Variants in CSMD2 observed in about 807,000 individuals in gnomAD.
CSMD2 encodes CUB and Sushi multiple domains 2.
A neutral mutation model predicts 398.5 loss-of-function variants in CSMD2; 130 were observed. The ratio of observed to expected loss-of-function variants is 0.33; its 90% CI spans 0.28 to 0.38. The LOEUF is 0.38. Ranked by LOEUF, CSMD2 falls within the 10% of genes least tolerant of loss-of-function variation. CSMD2 has a pLI of 1.00. For synonymous variants in CSMD2, 1,828 were observed against 1,908.5 expected, an observed-to-expected ratio of 0.96 and a Z score of 1.10; for missense variants, 3,829 against 4,764.9, an observed-to-expected ratio of 0.80 and a Z score of 5.78.
chr1:33,885,941 G>A (rs1277257691), intron 5 of CSMD2, among the ~76,000 whole-genome samples: 15 of 152,058 alleles, frequency 9.9e-5, no homozygotes, highest in African/African-American at 3.6e-4. Context: ...TGTGTCAAAG[G>A]GGAATGAAAA....
Position 33,625,273 on chromosome 1 carries a change from C to T in CSMD2, c.5297-19G>A. 1 of 1,600,858 alleles carries T rather than the reference C, an allele frequency of 6.2e-7. No homozygotes were observed. The highest frequency in any genetic ancestry group is 8.5e-7 in the Non-Finnish European group (1 of 1,174,336). Reference sequence around the variant, plus strand: ...GGAACCGCTGTGGGGGACAAGGGCACTGAGGGGAGGCCTCACCCCTCAGAA... The same window carrying T: ...GGAACCGCTGTGGGGGACAAGGGCATTGAGGGGAGGCCTCACCCCTCAGAA... On this transcript the variant is annotated intron_variant, in intron 33 of 70. Coordinates refer to ENST00000373381, the MANE Select transcript of CSMD2 (RefSeq NM_001281956.2).
intron 5 of CSMD2, among the ~76,000 whole-genome samples, chr1:33,866,738 G>A (rs1640066939): frequency 6.6e-6 from 1 of 152,070 alleles, no homozygotes; most frequent in African/African-American, 2.4e-5. Flanking sequence ...TACTATAAGG[G>A]TGCTGGCCCT....
At chr1:33,673,693 G>T (rs1644597155) in intron 25 of CSMD2, among the ~76,000 whole-genome samples, 1 of 152,208 alleles carries the variant, frequency 6.6e-6, no homozygotes, top group South Asian at 2.1e-4. Context: ...AGGAAAAAAT[G>T]TTAAGGGCAG....
chr1:33,909,826 G>C (rs1007143972), intron 5 of CSMD2, among the ~76,000 whole-genome samples: 1 of 152,160 alleles, frequency 6.6e-6, no homozygotes, highest in African/African-American at 2.4e-5. Context: ...TCGTAACCAA[G>C]GGCAGCTGTG....
rs572191986 is a variant in CSMD2 at position 34,133,600 on chromosome 1, C to T, written c.187+31311G>A. ...GAGCCAATATTGCACCACTGCACTC[C>T]AGCTTGGGTGATAGAGCAAGACTCT... On this transcript the variant is annotated intron_variant, in intron 1 of 70. Coordinates refer to ENST00000373381, the MANE Select transcript of CSMD2 (RefSeq NM_001281956.2). Among the ~76,000 whole-genome samples the T allele has an allele frequency of 5.4e-4, 82 of 151,848 alleles. 1 individual carries two copies. The highest frequency in any genetic ancestry group is 1.9e-3 in the African/African-American group (79 of 41,384).
At chr1:34,153,593 G>A (rs1160803407) in intron 1 of CSMD2, among the ~76,000 whole-genome samples, 3 of 152,180 alleles carry the variant, frequency 2.0e-5, no homozygotes, top group Non-Finnish European at 4.4e-5. Context: ...CAGGCGCACA[G>A]AGGCACTCAA....
At chr1:33,980,367 C>A (rs1646122988) in intron 3 of CSMD2, among the ~76,000 whole-genome samples, 1 of 152,154 alleles carries the variant, frequency 6.6e-6, no homozygotes, top group South Asian at 2.1e-4. Flanking sequence ...AATATTTTGT[C>A]TTTTCCTAAC....
intron 29 of CSMD2, among the ~76,000 whole-genome samples, chr1:33,645,146 A>C (rs1427542138): frequency 2.0e-5 from 3 of 151,956 alleles, no homozygotes; most frequent in Non-Finnish European, 4.4e-5. Flanking sequence ...TAATTAGGGG[A>C]CACTTTAAAA....
chr1:33,899,070 G>A (rs1472361359), intron 5 of CSMD2, among the ~76,000 whole-genome samples: 1 of 152,226 alleles, frequency 6.6e-6, no homozygotes, highest in Non-Finnish European at 1.5e-5. Flanking sequence ...TCAGGCCACA[G>A]ACCAGCAACG....
chr1:33,593,665 A>C (rs938460337), intron 44 of CSMD2, among the ~76,000 whole-genome samples: 5 of 152,238 alleles, frequency 3.3e-5, no homozygotes, highest in African/African-American at 4.8e-5. Context: ...ATTTGGGTGG[A>C]GATACAGCCA....
At chr1:33,927,788 T>TG (rs902371424) in intron 4 of CSMD2, among the ~76,000 whole-genome samples, 2 of 152,176 alleles carry the variant, frequency 1.3e-5, no homozygotes, top group Non-Finnish European at 2.9e-5. Context: ...CTCTTCTGCC[T>TG]GGGGGCCTTT....
chr1:33,941,350 T>C (rs1298040124), intron 3 of CSMD2, among the ~76,000 whole-genome samples: 5 of 152,266 alleles, frequency 3.3e-5, no homozygotes, highest in Non-Finnish European at 5.9e-5. Context: ...GAGTCATTTA[T>C]GCTCTCTGGA....
rs557576789 is a variant in CSMD2, at chr1:33,658,064, G to A, written c.4329C>T (p.Ala1443=). 17 of 1,614,010 alleles carry A rather than the reference G, an allele frequency of 1.1e-5. No individual in the cohort carries two copies. The highest frequency in any genetic ancestry group is 1.0e-4 in the Admixed American group (6 of 59,992). The change falls in exon 27 of 71, where the codon GCC becomes GCT. Residue 1443 remains alanine, a synonymous_variant. Transcript: ENST00000373381. ...NGSRSGDSWE[A]GDSTVFQCDP... ...CACACTGGAACACTGTGGAGTCGCC[G>A]GCTTCCCAACTGTCACCACTCCGAC...
intron 3 of CSMD2, among the ~76,000 whole-genome samples, chr1:33,968,904 T>C (rs1461326001): frequency 6.6e-6 from 1 of 152,238 alleles, no homozygotes; most frequent in African/African-American, 2.4e-5. Context: ...TACACCCAGC[T>C]TGTTCTGGGA....
intron 2 of CSMD2, among the ~76,000 whole-genome samples, chr1:34,086,327 T>C (rs563437452): frequency 3.3e-5 from 5 of 152,342 alleles, no homozygotes; most frequent in African/African-American, 1.2e-4. Context: ...TCTTACGTTT[T>C]AGGCACCATC....
chr1:34,134,078 A>G (rs571452075), intron 1 of CSMD2, among the ~76,000 whole-genome samples: 1 of 122,096 alleles, frequency 8.2e-6, no homozygotes, highest in Non-Finnish European at 1.7e-5. Context: ...AAAAAAAAAA[A>G]TACTGAGCAG....
At position 33,777,388 on chromosome 1, in the gene CSMD2, C is replaced by T. The variant is rs539512022; in HGVS notation, c.1664-4637G>A. On this transcript the variant is annotated intron_variant, in intron 12 of 70. Transcript: ENST00000373381. ...TGCTGGCTGGCTTCTGTCCCTTTGA[C>T]ACCTCCTGTCCTGGCCTAAGCCTTC... Among the ~76,000 whole-genome samples, 31 of 152,270 alleles carry T rather than the reference C, an allele frequency of 2.0e-4. No homozygotes were observed. In the East Asian group the frequency reaches 2.1e-3, roughly 10 times the overall value.
chr1:33,825,809 T>C (rs755851089), intron 6 of CSMD2, 35 bp from the exon 7 acceptor site: 5 of 1,564,988 alleles, frequency 3.2e-6, no homozygotes, highest in Middle Eastern at 1.7e-4. Flanking sequence ...CAATGTGAGT[T>C]GTTGCCTGTG....
At chr1:33,652,200 T>C in intron 28 of CSMD2, 123 bp downstream of exon 28, 2 of 1,002,620 alleles carry the variant, frequency 2.0e-6, no homozygotes, top group Non-Finnish European at 3.0e-6. Flanking sequence ...TCTCTCGGCT[T>C]CTTCACCTCC....
Sources: allele counts gnomAD v4.1 joint callset (sites outside exome capture counted in the v4.1 genomes callset), GRCh38; gene constraint gnomAD v4.1.1; transcripts MANE v1.5; gene names NCBI Gene and HGNC (gene_info 2026-07-23, HGNC 2026-07-21).